SNAPC1: variants seen among roughly 807,000 people sequenced by gnomAD.
SNAPC1 encodes small nuclear RNA activating complex polypeptide 1.
Under a neutral mutation model 50.1 loss-of-function variants are expected in SNAPC1, and 42 were observed. That is an observed-to-expected ratio of 0.84 (90% CI 0.65 to 1.08). The LOEUF is 1.08. SNAPC1 is among the 50% of genes least tolerant of loss of function. The pLI, the probability that SNAPC1 is intolerant of heterozygous loss-of-function variation, is 0.00. For missense variants in SNAPC1, 477 were observed against 427.3 expected (o/e 1.12, Z -1.02); for synonymous variants, 164 against 144.2 (o/e 1.14, Z -0.98).
At chr14:61,778,049 A>G (rs768495939) in intron 5 of SNAPC1, 23 bp from the exon 6 acceptor site, 1 of 1,283,872 alleles carries the variant, frequency 7.8e-7, no homozygotes, top group Non-Finnish European at 1.1e-6. Context: ...GTATGTGTGT[A>G]TGTATCTTTT....
intron 1 of SNAPC1, among the ~76,000 whole-genome samples, chr14:61,764,243 A>G (rs995287309): frequency 2.0e-5 from 3 of 152,246 alleles, no homozygotes; most frequent in South Asian, 2.1e-4. Flanking sequence ...TTTTATTACC[A>G]TAGTACATAT....
rs765951725 is a variant in SNAPC1 at position 61,762,513 on chromosome 14, T to G, written c.53T>G (p.Phe18Cys). ...QTDCEALLSR[F>C]QETDSVRFED... is the part of the protein sequence containing the mutation. The stretch of plus-strand genomic sequence containing the variant: ...GACTGCGAGGCGCTGCTCAGCCGCT[T>G]CCAGGAGACGGACAGTGTACGCTTC... Residue 18 changes from phenylalanine to cysteine, a missense_variant, in exon 1 of 10, where the codon TTC (phenylalanine) becomes TGC (cysteine). Coordinates refer to ENST00000216294, the MANE Select transcript of SNAPC1 (RefSeq NM_003082.4). The G allele has an allele frequency of 6.7e-7, 1 of 1,501,352 alleles. No homozygotes were observed. The highest frequency in any genetic ancestry group is 1.2e-5 in the South Asian group (1 of 80,022). 93.0% of individuals were successfully genotyped at this position (1,501,352 alleles called of 1,614,324 possible).
chr14:61,791,780 C>T (rs2045153840), intron 8 of SNAPC1, among the ~76,000 whole-genome samples: 4 of 151,784 alleles, frequency 2.6e-5, no homozygotes, highest in Admixed American at 2.0e-4. Flanking sequence ...GCCTGGGAGG[C>T]GGAGGTTGCA....
chr14:61,772,622 T>A (rs570373477), intron 4 of SNAPC1, among the ~76,000 whole-genome samples: 4 of 152,300 alleles, frequency 2.6e-5, no homozygotes, highest in Middle Eastern at 6.8e-3. Context: ...ACTCCTGAGC[T>A]TGGGTGATCT....
intron 3 of SNAPC1, among the ~76,000 whole-genome samples, chr14:61,767,705 A>C (rs1166526714): frequency 6.6e-6 from 1 of 151,998 alleles, no homozygotes; most frequent in African/African-American, 2.4e-5. Flanking sequence ...CTCGTGATCC[A>C]CTCACCTTGG....
intron 8 of SNAPC1, among the ~76,000 whole-genome samples, chr14:61,792,187 C>T (rs1274762490): frequency 6.6e-6 from 1 of 151,540 alleles, no homozygotes; most frequent in Admixed American, 6.6e-5. Context: ...AAAATAGTCA[C>T]TGTTTATGGG....
intron 8 of SNAPC1, among the ~76,000 whole-genome samples, chr14:61,788,107 A>G (rs2045127746): frequency 6.6e-6 from 1 of 152,246 alleles, no homozygotes; most frequent in Non-Finnish European, 1.5e-5. Context: ...AAATTCTGAA[A>G]CTAACTGAAG....
At chr14:61,775,569 T>C (rs72716706) in intron 4 of SNAPC1, among the ~76,000 whole-genome samples, 8,362 of 152,254 alleles carry the variant, frequency 0.055, 289 homozygotes, top group Non-Finnish European at 0.074. Flanking sequence ...TCTATATCTT[T>C]AATCCTGAAT....
rs773844838 is a variant in SNAPC1 at position 61,778,831 on chromosome 14, T to C, written c.763-17T>C. 6.5e-7 allele frequency: 1 copy of C among 1,530,122 alleles called. No homozygotes were observed. 94.8% of individuals were successfully genotyped at this position (1,530,122 alleles called of 1,614,324 possible). On this transcript the variant is annotated splice_polypyrimidine_tract_variant and intron_variant, in intron 6 of 9. Transcript: ENST00000216294. The stretch of plus-strand genomic sequence containing the variant: ...TTGTGTGTTTTAACTTTTTTTTCCT[T>C]CTTATTTTACATCCAGAGATGTGAA...
chr14:61,794,396 G>C (rs1269381953), intron 9 of SNAPC1, among the ~76,000 whole-genome samples: 1 of 151,894 alleles, frequency 6.6e-6, no homozygotes, highest in Non-Finnish European at 1.5e-5. Context: ...TTGTTGTTAT[G>C]TGTTTTTTTT....
intron 8 of SNAPC1, among the ~76,000 whole-genome samples, chr14:61,790,110 A>G (rs2045141485): frequency 6.6e-6 from 1 of 152,210 alleles, no homozygotes; most frequent in African/African-American, 2.4e-5. Flanking sequence ...TGACACAATA[A>G]AGATTTCATT....
chr14:61,784,497 C>A (rs1018975247), intron 8 of SNAPC1, among the ~76,000 whole-genome samples: 5 of 152,132 alleles, frequency 3.3e-5, no homozygotes, highest in African/African-American at 1.2e-4. Flanking sequence ...AAGGAGTCAG[C>A]AAACAGTTTC....
chr14:61,784,850 T>C (rs2045103167), intron 8 of SNAPC1, among the ~76,000 whole-genome samples: 1 of 152,112 alleles, frequency 6.6e-6, no homozygotes, highest in African/African-American at 2.4e-5. Flanking sequence ...AGCTAGTCAG[T>C]GTAATTAGAT....
chr14:61,764,169 A>G (rs2044930347), intron 1 of SNAPC1, among the ~76,000 whole-genome samples: 1 of 152,092 alleles, frequency 6.6e-6, no homozygotes, highest in Non-Finnish European at 1.5e-5. Context: ...CATTATTACT[A>G]CCGTTTTAAA....
At chr14:61,791,232 G>A (rs192202505) in intron 8 of SNAPC1, among the ~76,000 whole-genome samples, 3 of 151,960 alleles carry the variant, frequency 2.0e-5, no homozygotes, top group Non-Finnish European at 2.9e-5. Context: ...GACTGGTCTC[G>A]AACTCCTGAC....
chr14:61,777,028 A>AT (rs998266589), intron 5 of SNAPC1, among the ~76,000 whole-genome samples: 1 of 152,102 alleles, frequency 6.6e-6, no homozygotes, highest in African/African-American at 2.4e-5. Flanking sequence ...AGGAAAAAAA[A>AT]TTTTTTTAAA....
Position 61,782,278 on chromosome 14 carries a change from A to G in SNAPC1, c.857A>G (p.Lys286Arg). ...ASKSRRHRQV[K>R]LDSSDSDSAS... ...AAATCAAGAAGGCATCGTCAAGTCAAACTCGACTCTTCTGACTCTGATTCT... is the reference window on the plus strand; with the variant it reads ...AAATCAAGAAGGCATCGTCAAGTCAGACTCGACTCTTCTGACTCTGATTCT... The change falls in exon 8 of 10, where the codon AAA (lysine) becomes AGA (arginine). Residue 286 changes from lysine to arginine, a missense_variant. Physicochemically the swap from Lys to Arg is conservative, Grantham distance 26. Coordinates refer to ENST00000216294, the MANE Select transcript of SNAPC1 (RefSeq NM_003082.4). The G allele has an allele frequency of 1.2e-6, 2 of 1,607,148 alleles. No individual in the cohort carries two copies. Among genetic ancestry groups the G allele is most frequent in the Non-Finnish European group, 1.7e-6 (2 of 1,177,916 alleles).
rs543241609 is a variant in SNAPC1, at chr14:61,794,899, T to G, written c.1073-50T>G. On this transcript the variant is annotated intron_variant, in intron 9 of 9. Transcript: ENST00000216294. Reference sequence around the variant, plus strand: ...AAGTGTCAGTTGTTTTTTTTGTTTGTTTTTTTTTTGTTTTTAGATCTGACT... The same window carrying G: ...AAGTGTCAGTTGTTTTTTTTGTTTGGTTTTTTTTTGTTTTTAGATCTGACT... 1.8e-5 allele frequency: 20 copies of G among 1,138,816 alleles called. No individual in the cohort carries two copies. The African/African-American group carries it at 2.1e-4, about 12-fold the overall frequency. The allele number at this position is 1,138,816 out of a possible 1,614,324, so 70.5% of individuals were successfully genotyped here. A position where few individuals can be genotyped will look rare whatever the true frequency, so the allele number is the denominator to read the frequency against.
intron 5 of SNAPC1, among the ~76,000 whole-genome samples, chr14:61,777,309 T>C (rs2045041746): frequency 6.6e-6 from 1 of 152,258 alleles, no homozygotes; most frequent in South Asian, 2.1e-4. Flanking sequence ...AATGTTTGGA[T>C]ACTTTAAGTC....
Sources: allele counts gnomAD v4.1 joint callset (sites outside exome capture counted in the v4.1 genomes callset), GRCh38; gene constraint gnomAD v4.1.1; transcripts MANE v1.5; gene names NCBI Gene and HGNC (gene_info 2026-07-23, HGNC 2026-07-21).